The following KCNV1 variants were observed in gnomAD, a reference collection of about 807,000 sequenced individuals.
KCNV1 encodes potassium voltage-gated channel subfamily V member 1.
A neutral mutation model predicts 36.4 loss-of-function variants in KCNV1; 2 were observed. That is an observed-to-expected ratio of 0.05 (90% CI 0.02 to 0.17). The LOEUF is 0.17. KCNV1 is among the 10% of genes least tolerant of loss of function. The pLI is 1.00. For synonymous variants in KCNV1, 280 were observed against 261.1 expected, an observed-to-expected ratio of 1.07 and a Z score of -0.70; for missense variants, 321 against 643.6, an observed-to-expected ratio of 0.50 and a Z score of 5.42.
At position 109,972,977 on chromosome 8, in the gene KCNV1, T is replaced by C. The variant is rs966797568; in HGVS notation, c.462-190A>G. Among the ~76,000 whole-genome samples, 1 of 140,038 alleles carries C rather than the reference T, an allele frequency of 7.1e-6. No homozygotes were observed. Among genetic ancestry groups the C allele is most frequent in the African/African-American group, 3.0e-5 (1 of 33,596 alleles). The allele number at this position is 140,038 out of a possible 152,430, so 91.9% of individuals were successfully genotyped here. On this transcript the variant is annotated intron_variant, in intron 2 of 3. Transcript: ENST00000524391. This position sits in a 1 kb window ranked among gnomAD's most constrained non-coding sequence, Gnocchi z 5.2. The stretch of plus-strand genomic sequence containing the variant: ...TCTCCCTTAGAATTATGATTATTTT[T>C]CCTTTTTTTTTTTTTTTTGAGACGG...
chr8:109,971,666 T>C (rs1174822739), intron 3 of KCNV1, among the ~76,000 whole-genome samples: 1 of 151,896 alleles, frequency 6.6e-6, no homozygotes, highest in Non-Finnish European at 1.5e-5. Flanking sequence ...CTTCAGATAC[T>C]AGATAAAGCA....
In KCNV1 at chr8:109,974,236, C is replaced by G. The variant is rs1820050104; in HGVS notation, c.153G>C (p.Val51=). ...AGCAGGACAGCGCCTGCTGCGAGAGCACGAAGCGGCTGCCGCCCACGTTGA... is the reference window on the plus strand; with the variant it reads ...AGCAGGACAGCGCCTGCTGCGAGAGGACGAAGCGGCTGCCGCCCACGTTGA... ...FTVNVGGSRF[V]LSQQALSCFP... Residue 51 remains valine, a synonymous_variant, in exon 2 of 4, where the codon GTG becomes GTC. Coordinates refer to ENST00000524391, the MANE Select transcript of KCNV1 (RefSeq NM_014379.4). The surrounding 1 kb of genome is among the most constrained non-coding windows in gnomAD (Gnocchi z 6.2). 6.4e-7 allele frequency: 1 copy of G among 1,566,650 alleles called. No individual in the cohort carries two copies.
intron 2 of KCNV1, among the ~76,000 whole-genome samples, chr8:109,973,043 TCTC>T: frequency 6.6e-6 from 1 of 151,238 alleles, no homozygotes; most frequent in Non-Finnish European, 1.5e-5. Context: ...AGCGGAGTGA[TCTC>T]GGCTTACTGT....
At chr8:109,971,867 T>C (rs1383192481) in intron 3 of KCNV1, among the ~76,000 whole-genome samples, 2 of 152,208 alleles carry the variant, frequency 1.3e-5, no homozygotes, top group Non-Finnish European at 2.9e-5. Context: ...AGAAATTGGC[T>C]TATGTCCCTA....
At position 109,969,533 on chromosome 8, in the gene KCNV1, A is replaced by G. The variant is rs542587706; in HGVS notation, c.992-934T>C. Among the ~76,000 whole-genome samples the G allele has an allele frequency of 1.4e-4, 21 of 152,254 alleles. No homozygotes were observed. The South Asian group carries it at 3.3e-3, about 24-fold the overall frequency. On this transcript the variant is annotated intron_variant, in intron 3 of 3. Coordinates refer to ENST00000524391, the MANE Select transcript of KCNV1 (RefSeq NM_014379.4). ...ATAGTCCAATTCCGTCTCTGAAGAC[A>G]CTAGGCCTAAGGGGAGTAAGAGCCC...
Position 109,968,163 on chromosome 8 carries a change from G to T in KCNV1, c.1428C>A (p.Ile476=), listed in dbSNP as rs1479761946. Reference sequence around the variant, plus strand: ...TGCCTTTCAGTCGCAGCATCTCCATGATACTCCGGGCATAGACATCTCTCA... The same window carrying T: ...TGCCTTTCAGTCGCAGCATCTCCATTATACTCCGGGCATAGACATCTCTCA... ...VNLRDVYARS[I]MEMLRLKGRE... The change falls in exon 4 of 4, where the codon ATC becomes ATA. Residue 476 remains isoleucine, a synonymous_variant. Coordinates refer to ENST00000524391, the MANE Select transcript of KCNV1 (RefSeq NM_014379.4). This position sits in a 1 kb window ranked among gnomAD's most constrained non-coding sequence, Gnocchi z 5.3. 1.2e-6 allele frequency: 2 copies of T among 1,614,108 alleles called. No homozygotes were observed. The highest frequency in any genetic ancestry group is 1.7e-6 in the Non-Finnish European group (2 of 1,180,002).
intron 2 of KCNV1, 112 bp downstream of exon 2, chr8:109,973,816 G>T: frequency 1.9e-5 from 7 of 375,292 alleles, no homozygotes; most frequent in Admixed American, 5.5e-5. Flanking sequence ...ACACCTTATT[G>T]CTAGGCCTGG....
chr8:109,973,259 G>A (rs1269734149), intron 2 of KCNV1, among the ~76,000 whole-genome samples: 1 of 152,162 alleles, frequency 6.6e-6, no homozygotes, highest in Non-Finnish European at 1.5e-5. Context: ...TGGGATTACA[G>A]GCGTGAGCCA....
intron 2 of KCNV1, among the ~76,000 whole-genome samples, chr8:109,973,411 T>C (rs771487668): frequency 2.6e-5 from 4 of 152,220 alleles, no homozygotes; most frequent in Non-Finnish European, 4.4e-5. Context: ...CTTTTTTGTG[T>C]GTGTGTAAAG....
intron 3 of KCNV1, among the ~76,000 whole-genome samples, chr8:109,969,546 G>C (rs1819984420): frequency 6.6e-6 from 1 of 152,048 alleles, no homozygotes; most frequent in Non-Finnish European, 1.5e-5. Flanking sequence ...AGGCCTAAGG[G>C]GAGTAAGAGC....
rs1174270037 is a variant in KCNV1, at chr8:109,975,695, T to C, written c.-881A>G. ...TACTCTTCTTTTGATCCTCTTAGTC[T>C]ACACGTGAGGTCTGACTCGACCGGT... On this transcript the variant is annotated 5_prime_UTR_variant, in exon 1 of 4. Coordinates refer to ENST00000524391, the MANE Select transcript of KCNV1 (RefSeq NM_014379.4). The C allele has an allele frequency of 6.5e-6, 1 of 152,718 alleles. No homozygotes were observed. Among genetic ancestry groups the C allele is most frequent in the African/African-American group, 2.4e-5 (1 of 41,466 alleles). 9.5% of individuals were successfully genotyped at this position (152,718 alleles called of 1,614,324 possible).
intron 3 of KCNV1, among the ~76,000 whole-genome samples, chr8:109,971,107 T>C (rs557048308): frequency 1.3e-5 from 2 of 152,314 alleles, no homozygotes; most frequent in South Asian, 2.1e-4. Context: ...TCAGGGCACA[T>C]ATCTAGGGAA....
intron 2 of KCNV1, among the ~76,000 whole-genome samples, chr8:109,973,081 G>A (rs1184068407): frequency 6.6e-6 from 1 of 151,208 alleles, no homozygotes; most frequent in African/African-American, 2.4e-5. Context: ...AGGTTCAAGC[G>A]ATTCTTCTGC....
Position 109,972,891 on chromosome 8 carries a change from T to C in KCNV1, c.462-104A>G, listed in dbSNP as rs1018308971. On this transcript the variant is annotated intron_variant, in intron 2 of 3. Coordinates refer to ENST00000524391, the MANE Select transcript of KCNV1 (RefSeq NM_014379.4). This position sits in a 1 kb window ranked among gnomAD's most constrained non-coding sequence, Gnocchi z 5.2. ...GGTCAGACTTTTTCATTCAACAAAA[T>C]GCAGAAAAATGTCTATTCATATTTT... 5 of 811,744 alleles carry C rather than the reference T, an allele frequency of 6.2e-6. No homozygotes were observed. The highest frequency in any genetic ancestry group is 5.2e-5 in the African/African-American group (3 of 57,876). The allele number at this position is 811,744 out of a possible 1,614,324, so 50.3% of individuals were successfully genotyped here.
intron 3 of KCNV1, among the ~76,000 whole-genome samples, chr8:109,970,569 TC>T (rs1454420939): frequency 3.3e-5 from 5 of 152,320 alleles, no homozygotes; most frequent in East Asian, 1.9e-4. Context: ...AAACCCATTA[TC>T]CTATAACATC....
rs1402896139 is a variant in KCNV1 at position 109,968,057 on chromosome 8, C to T, written c.*31G>A. On this transcript the variant is annotated 3_prime_UTR_variant, in exon 4 of 4. Transcript: ENST00000524391. The surrounding 1 kb of genome is among the most constrained non-coding windows in gnomAD (Gnocchi z 5.3). Reference sequence around the variant, plus strand: ...TGCTTTATCATTTTAGTTAATTGTACATAGCTTTTGTAAATAAATTGAAAA... The same window carrying T: ...TGCTTTATCATTTTAGTTAATTGTATATAGCTTTTGTAAATAAATTGAAAA... The T allele has an allele frequency of 1.3e-6, 2 of 1,584,074 alleles. No individual in the cohort carries two copies. The highest frequency in any genetic ancestry group is 2.2e-5 in the East Asian group (1 of 44,610).
Position 109,971,415 on chromosome 8 carries a change from G to A in KCNV1, c.991+843C>T, listed in dbSNP as rs1291835218. Among the ~76,000 whole-genome samples, 5 of 152,088 alleles carry A rather than the reference G, an allele frequency of 3.3e-5. No homozygotes were observed. In the East Asian group the frequency reaches 7.7e-4, roughly 23 times the overall value. On this transcript the variant is annotated intron_variant, in intron 3 of 3. Transcript: ENST00000524391. ...ATATACTCCACAATATCTGACAGCT[G>A]CAAGGCCAGCCACTGATAACTACTA...
rs1471976390 is a variant in KCNV1 at position 109,967,216 on chromosome 8, GATTA to G, written c.*868_*871del. ...ATATATTTCCCATTTTATGAAATAA[GATTA>G]TTTAGTAATTCCAGTGTAGAAATTT... On this transcript the variant is annotated 3_prime_UTR_variant, in exon 4 of 4. Transcript: ENST00000524391. 1 of 152,104 alleles carries G rather than the reference GATTA, an allele frequency of 6.6e-6. No homozygotes were observed. The highest frequency in any genetic ancestry group is 2.4e-5 in the African/African-American group (1 of 41,422). 9.4% of individuals were successfully genotyped at this position (152,104 alleles called of 1,614,324 possible). A position where few individuals can be genotyped will look rare whatever the true frequency, so the allele number is the denominator to read the frequency against.
rs1054031226 is a variant in KCNV1, at chr8:109,966,777, T to C, written c.*1311A>G. 2.6e-5 allele frequency: 4 copies of C among 152,208 alleles called. No homozygotes were observed. Among genetic ancestry groups the C allele is most frequent in the Non-Finnish European group, 5.9e-5 (4 of 68,012 alleles). The allele number at this position is 152,208 out of a possible 1,614,324, so 9.4% of individuals were successfully genotyped here. ...TGGCAAAGAGCCTTCTAGGCTTTTT[T>C]CCCTAACATCTCACCCCCATGAAAT... On this transcript the variant is annotated 3_prime_UTR_variant, in exon 4 of 4. Coordinates refer to ENST00000524391, the MANE Select transcript of KCNV1 (RefSeq NM_014379.4).
Sources: allele counts gnomAD v4.1 joint callset (sites outside exome capture counted in the v4.1 genomes callset), GRCh38; gene constraint gnomAD v4.1.1; non-coding constraint Gnocchi (gnomAD v3.1); transcripts MANE v1.5; gene names NCBI Gene and HGNC (gene_info 2026-07-23, HGNC 2026-07-21).